CPED1: variants seen among roughly 807,000 people sequenced by gnomAD.
The protein encoded by CPED1 is cadherin-like and PC-esterase domain-containing protein 1.
Under a neutral mutation model 128.2 loss-of-function variants are expected in CPED1, and 114 were observed. That is an observed-to-expected ratio of 0.89 (90% confidence interval 0.76 to 1.04). The LOEUF is 1.04. CPED1 is among the 50% of genes least tolerant of loss of function. The pLI is 0.00. For synonymous variants in CPED1, 462 were observed against 426.7 expected (o/e 1.08, Z -1.02); for missense variants, 1,211 against 1,207.1 (o/e 1.00, Z -0.05).
intron 21 of CPED1, among the ~76,000 whole-genome samples, chr7:121,268,994 G>C (rs1792184878): frequency 6.6e-6 from 1 of 151,894 alleles, no homozygotes; most frequent in South Asian, 2.1e-4. Context: ...AATTGTGAGA[G>C]CACCAAGGGA....
At chr7:121,123,459 A>C (rs187363535) in intron 7 of CPED1, among the ~76,000 whole-genome samples, 57 of 152,290 alleles carry the variant, frequency 3.7e-4, no homozygotes, top group African/African-American at 1.3e-3. Flanking sequence ...TTTTCAAAAA[A>C]TATTTTTTGT....
intron 14 of CPED1, 106 bp downstream of exon 14, chr7:121,136,196 T>C: frequency 9.2e-7 from 1 of 1,091,482 alleles, no homozygotes; most frequent in South Asian, 1.6e-5. Flanking sequence ...CTTACGCTGA[T>C]AATTGTTAAA....
chr7:121,104,436 T>C (rs1460613423), intron 7 of CPED1, among the ~76,000 whole-genome samples: 1 of 152,174 alleles, frequency 6.6e-6, no homozygotes, highest in Non-Finnish European at 1.5e-5. Context: ...CCTTCATCCG[T>C]TGTAAATCAC....
intron 22 of CPED1, among the ~76,000 whole-genome samples, chr7:121,279,923 C>T (rs1562861112): frequency 6.6e-6 from 1 of 152,144 alleles, no homozygotes. Context: ...GAGGGTCCCT[C>T]AGACAGGAGG....
At chr7:121,231,694 T>C (rs930411330) in intron 16 of CPED1, among the ~76,000 whole-genome samples, 1 of 151,816 alleles carries the variant, frequency 6.6e-6, no homozygotes, top group African/African-American at 2.4e-5. Flanking sequence ...AAGATGCGGA[T>C]TGTTGAGGTA....
intron 16 of CPED1, among the ~76,000 whole-genome samples, chr7:121,229,532 T>G (rs1206557982): frequency 6.6e-6 from 1 of 151,990 alleles, no homozygotes; most frequent in Non-Finnish European, 1.5e-5. Context: ...GTCCTTGTAA[T>G]GGGAAACCAT....
chr7:121,250,704 A>G (rs1798651826), intron 18 of CPED1, among the ~76,000 whole-genome samples: 3 of 152,314 alleles, frequency 2.0e-5, no homozygotes, highest in African/African-American at 7.2e-5. Flanking sequence ...ATGCAAATAA[A>G]CTAGAAAATC....
At chr7:121,155,721 G>A (rs918740724) in intron 16 of CPED1, among the ~76,000 whole-genome samples, 4 of 152,102 alleles carry the variant, frequency 2.6e-5, no homozygotes, top group Non-Finnish European at 5.9e-5. Flanking sequence ...TGCAATAAAG[G>A]CTTAAATCTG....
Position 120,989,756 on chromosome 7 carries a change from C to T in CPED1, c.135C>T (p.Ala45=). The T allele has an allele frequency of 6.2e-7, 1 of 1,613,872 alleles. No individual in the cohort carries two copies. Among genetic ancestry groups the T allele is most frequent in the South Asian group, 1.1e-5 (1 of 91,062 alleles). The change falls in exon 2 of 23, where the codon GCC becomes GCT. Residue 45 remains alanine, a synonymous_variant. Coordinates refer to ENST00000310396, the MANE Select transcript of CPED1 (RefSeq NM_024913.5). Reference sequence around the variant, plus strand: ...GGTCGAGGAAGCTCACAGCCGCTGCCCCTGGGGCTGTCCCACACACATCCA... The same window carrying T: ...GGTCGAGGAAGCTCACAGCCGCTGCTCCTGGGGCTGTCCCACACACATCCA... The part of the protein sequence containing the change: ...LRGSRKLTAA[A]PGAVPHTSTE...
At position 121,125,718 on chromosome 7, in the gene CPED1, G is replaced by A. The variant is rs1795486377; in HGVS notation, c.1062-102G>A. On this transcript the variant is annotated intron_variant, in intron 8 of 22. Coordinates refer to ENST00000310396, the MANE Select transcript of CPED1 (RefSeq NM_024913.5). ...TCTTTATCCAGTCTATCATTAATGG[G>A]CATTTGGGTTGGTTCCAAGTTTTGC... 10 of 749,606 alleles carry A rather than the reference G, an allele frequency of 1.3e-5. No individual in the cohort carries two copies. The South Asian group carries it at 1.4e-4, about 10-fold the overall frequency. The allele number at this position is 749,606 out of a possible 1,614,324, so 46.4% of individuals were successfully genotyped here.
chr7:121,290,979 ATAAGGTG>A (rs1792687371), intron 22 of CPED1, among the ~76,000 whole-genome samples: 2 of 152,206 alleles, frequency 1.3e-5, no homozygotes, highest in Admixed American at 1.3e-4. Flanking sequence ...TAATTCTTGT[ATAAGGTG>A]TAAGGAAGGG....
chr7:121,007,836 T>C (rs1792063380), intron 2 of CPED1, among the ~76,000 whole-genome samples: 1 of 151,960 alleles, frequency 6.6e-6, no homozygotes, highest in Admixed American at 6.5e-5. Context: ...TCAGGCTCCA[T>C]AGAACAGAAC....
chr7:121,098,005 A>C (rs1446375930), intron 6 of CPED1, among the ~76,000 whole-genome samples, 174 bp downstream of exon 6: 1 of 152,232 alleles, frequency 6.6e-6, no homozygotes, highest in East Asian at 1.9e-4. Flanking sequence ...TTTCTCCTAG[A>C]TTAATTCAAA....
chr7:121,169,520 AT>A (rs1409238682), intron 16 of CPED1, among the ~76,000 whole-genome samples: 1 of 152,200 alleles, frequency 6.6e-6, no homozygotes, highest in Non-Finnish European at 1.5e-5. Flanking sequence ...ATATCATTTG[AT>A]CATCTGATAA....
chr7:121,249,095 G>A (rs1798607524), intron 18 of CPED1, among the ~76,000 whole-genome samples: 1 of 151,764 alleles, frequency 6.6e-6, no homozygotes, highest in African/African-American at 2.4e-5. Flanking sequence ...CTCAAAAACG[G>A]GTTCTTTGAA....
Position 121,271,433 on chromosome 7 carries a change from AT to A in CPED1, c.2868+6del. ...AGTGTGGATGTCATTTCCATGAGGT[AT>A]TTATGCTGGCTATCTGAGTTTTATA... On this transcript the variant is annotated splice_donor_region_variant and intron_variant, in intron 22 of 22. Coordinates refer to ENST00000310396, the MANE Select transcript of CPED1 (RefSeq NM_024913.5). 1 of 1,610,892 alleles carries A rather than the reference AT, an allele frequency of 6.2e-7. No individual in the cohort carries two copies. Among genetic ancestry groups the A allele is most frequent in the Non-Finnish European group, 8.5e-7 (1 of 1,178,406 alleles).
chr7:121,230,737 G>T (rs1392619160), intron 16 of CPED1, among the ~76,000 whole-genome samples: 1 of 152,022 alleles, frequency 6.6e-6, no homozygotes, highest in Non-Finnish European at 1.5e-5. Context: ...AGAAAAACAG[G>T]CTTTCTCTGC....
chr7:121,144,422 T>C (rs947091681), intron 16 of CPED1, among the ~76,000 whole-genome samples: 2 of 151,944 alleles, frequency 1.3e-5, no homozygotes, highest in African/African-American at 4.8e-5. Context: ...GTGAAATAAG[T>C]CAGGAACAAA....
At chr7:120,998,389 A>G (rs1796446210) in intron 2 of CPED1, among the ~76,000 whole-genome samples, 1 of 152,172 alleles carries the variant, frequency 6.6e-6, no homozygotes, top group African/African-American at 2.4e-5. Flanking sequence ...TAGTTTCCTT[A>G]CCTGAATATG....
Sources: gnomAD v4.1 joint callset for allele counts (sites outside exome capture counted in the v4.1 genomes callset) on GRCh38, gnomAD v4.1.1 for gene constraint, MANE v1.5 for transcripts, NCBI Gene and HGNC (gene_info 2026-07-23, HGNC 2026-07-21) for gene names.